Variants in PGAM5 observed in about 807,000 individuals in gnomAD.
PGAM5 encodes serine/threonine-protein phosphatase PGAM5, mitochondrial.
A neutral mutation model predicts 30.6 loss-of-function variants in PGAM5; 25 were observed. That is an observed-to-expected ratio of 0.82 (90% confidence interval 0.60 to 1.14). The LOEUF is 1.14. PGAM5 is among the 50% of genes most tolerant of loss of function. The pLI, the probability that PGAM5 is intolerant of heterozygous loss-of-function variation, is 0.00. For missense variants in PGAM5, 384 were observed against 408.5 expected (o/e 0.94, Z 0.52); for synonymous variants, 201 against 179.1 (o/e 1.12, Z -0.98).
chr12:132,711,453 T>G (rs2043522075), intron 1 of PGAM5: 1 of 158,068 alleles, frequency 6.3e-6, no homozygotes, highest in Admixed American at 6.5e-5. Context: ...ATGGCTCGTG[T>G]GATTCCTGAA....
At chr12:132,716,694 G>T (rs962421689) in intron 2 of PGAM5, among the ~76,000 whole-genome samples, 2 of 152,212 alleles carry the variant, frequency 1.3e-5, no homozygotes, top group South Asian at 2.1e-4. Flanking sequence ...GCCTAGAGAA[G>T]GAAATGCAGG....
In PGAM5 at chr12:132,720,861, T is replaced by C. The variant is rs1004061384; in HGVS notation, c.*33T>C. 5.1e-5 allele frequency: 78 copies of C among 1,528,516 alleles called. No individual in the cohort carries two copies. In the African/African-American group the frequency reaches 9.8e-4, roughly 19 times the overall value. The allele number at this position is 1,528,516 out of a possible 1,614,324, so 94.7% of individuals were successfully genotyped here. A position where few individuals can be genotyped will look rare whatever the true frequency, so the allele number is the denominator to read the frequency against. On this transcript the variant is annotated 3_prime_UTR_variant, in exon 6 of 6. Transcript: ENST00000498926. Reference sequence around the variant, plus strand: ...GGCCTCTCCTTCCCTCTGTCCTCCCTGCACAGGCCGCACACACTTAACGTT... The same window carrying C: ...GGCCTCTCCTTCCCTCTGTCCTCCCCGCACAGGCCGCACACACTTAACGTT...
At chr12:132,718,924 T>C in intron 5 of PGAM5, 9 of 1,568,628 alleles carry the variant, frequency 5.7e-6, no homozygotes, top group Non-Finnish European at 7.8e-6. Context: ...CTGCTCGGGC[T>C]GCTCCCTCGG....
At chr12:132,714,105 C>T (rs1337566271) in intron 1 of PGAM5, among the ~76,000 whole-genome samples, 5 of 152,310 alleles carry the variant, frequency 3.3e-5, no homozygotes, top group Admixed American at 3.3e-4. Context: ...GCAACCTCCG[C>T]CTCCCAGGTT....
At chr12:132,711,345 G>A in intron 1 of PGAM5, 1 of 240,612 alleles carries the variant, frequency 4.2e-6, no homozygotes, top group Admixed American at 5.7e-5. Context: ...TCGCCGGAGC[G>A]CGGGCCGGGG....
chr12:132,720,652 C>T, intron 5 of PGAM5, 26 bp from the exon 6 acceptor site: 2 of 1,527,490 alleles, frequency 1.3e-6, no homozygotes, highest in Non-Finnish European at 1.8e-6. Context: ...CTAACGTGCT[C>T]TTTCTCTCTC....
At chr12:132,719,847 C>T (rs901309395) in intron 5 of PGAM5, among the ~76,000 whole-genome samples, 2 of 152,234 alleles carry the variant, frequency 1.3e-5, no homozygotes, top group African/African-American at 2.4e-5. Context: ...CGAGCTTTTC[C>T]GCAAATGCGA....
chr12:132,715,904 G>A (rs2043572355), intron 2 of PGAM5, among the ~76,000 whole-genome samples: 2 of 152,240 alleles, frequency 1.3e-5, no homozygotes, highest in Admixed American at 1.3e-4. Context: ...TTAACTTTTA[G>A]CAAATGTTGG....
At chr12:132,716,088 C>CTTGT (rs1424093933) in intron 2 of PGAM5, among the ~76,000 whole-genome samples, 1 of 151,706 alleles carries the variant, frequency 6.6e-6, no homozygotes, top group African/African-American at 2.4e-5. Flanking sequence ...CTGGCGTCTG[C>CTTGT]TTGTTTGTTT....
At chr12:132,713,884 G>C (rs982347718) in intron 1 of PGAM5, among the ~76,000 whole-genome samples, 1 of 152,006 alleles carries the variant, frequency 6.6e-6, no homozygotes, top group Non-Finnish European at 1.5e-5. Flanking sequence ...GCCCAGGCTA[G>C]TCTTGGACTC....
intron 5 of PGAM5, among the ~76,000 whole-genome samples, chr12:132,718,366 T>G (rs1166443179): frequency 8.4e-6 from 1 of 118,472 alleles, no homozygotes; most frequent in African/African-American, 3.5e-5. Flanking sequence ...TGTGGTGTCC[T>G]GGGTGGGGTG....
chr12:132,717,911 G>C (rs1238931607), intron 4 of PGAM5, 76 bp from the exon 5 acceptor site: 12 of 1,600,380 alleles, frequency 7.5e-6, no homozygotes, highest in Non-Finnish European at 1.0e-5. Flanking sequence ...TTCCCCGGGC[G>C]GCGATGGGGT....
At chr12:132,714,635 TG>T (rs1235547638) in intron 1 of PGAM5, 1 of 522,498 alleles carries the variant, frequency 1.9e-6, no homozygotes, top group African/African-American at 1.9e-5. Context: ...TTTGCTTGTC[TG>T]TTTTGCTCTC....
rs373553912 is a variant in PGAM5 at position 132,718,073 on chromosome 12, C to T, written c.672C>T (p.Tyr224=). 40 of 1,612,826 alleles carry T rather than the reference C, an allele frequency of 2.5e-5. 1 individual carries two copies. The African/African-American group carries it at 2.5e-4, about 10-fold the overall frequency. Residue 224 remains tyrosine (Y), a synonymous_variant, in exon 5 of 6, where the codon TAC becomes TAT. Coordinates refer to ENST00000498926, the MANE Select transcript of PGAM5 (RefSeq NM_001170543.2). Reference sequence around the variant, plus strand: ...ATGCCAGGCAGGAGGAGGACAGTTACGAGATCTTCATCTGTCACGCCAACG... The same window carrying T: ...ATGCCAGGCAGGAGGAGGACAGTTATGAGATCTTCATCTGTCACGCCAACG... ...RADARQEEDS[Y]EIFICHANVI...
At chr12:132,717,184 T>C (rs923458187) in intron 2 of PGAM5, among the ~76,000 whole-genome samples, 2 of 152,210 alleles carry the variant, frequency 1.3e-5, no homozygotes, top group African/African-American at 4.8e-5. Context: ...TGCATGTTTT[T>C]TCCTGTATGG....
chr12:132,710,889 C>A lies in PGAM5; in HGVS notation c.13C>A (p.Gln5Lys). 2.6e-6 allele frequency: 3 copies of A among 1,138,492 alleles called. No homozygotes were observed. Among genetic ancestry groups the A allele is most frequent in the Non-Finnish European group, 3.2e-6 (3 of 929,602 alleles). The allele number at this position is 1,138,492 out of a possible 1,614,324, so 70.5% of individuals were successfully genotyped here. Residue 5 changes from glutamine (Q) to lysine (K), a missense_variant, in exon 1 of 6, where the codon CAG becomes AAG. Physicochemically the swap from Gln to Lys is moderately conservative, Grantham distance 53 (BLOSUM62 1). Transcript: ENST00000498926. Reference protein sequence around the residue: MAFRQALQLAACGLA... With the variant: MAFRKALQLAACGLA... ...GGGAGCAAGCGGCATGGCGTTCCGGCAGGCGCTGCAGCTGGCGGCCTGCGG... is the reference window on the plus strand; with the variant it reads ...GGGAGCAAGCGGCATGGCGTTCCGGAAGGCGCTGCAGCTGGCGGCCTGCGG...
At chr12:132,714,146 T>A (rs2043549882) in intron 1 of PGAM5, among the ~76,000 whole-genome samples, 2 of 152,182 alleles carry the variant, frequency 1.3e-5, no homozygotes, top group African/African-American at 4.8e-5. Flanking sequence ...GCCTCCCAAG[T>A]AGCTGGGATC....
chr12:132,719,115 T>C, intron 5 of PGAM5: 1 of 1,360,132 alleles, frequency 7.4e-7, no homozygotes, highest in Non-Finnish European at 9.5e-7. Context: ...GTTACATGCC[T>C]GAAACAGTCA....
At chr12:132,719,307 T>A in intron 5 of PGAM5, 1 of 987,270 alleles carries the variant, frequency 1.0e-6, no homozygotes, top group South Asian at 3.9e-5. Flanking sequence ...GGCCCTGGTC[T>A]CTGCCCGTCT....
Sources: gnomAD v4.1 joint callset for allele counts (sites outside exome capture counted in the v4.1 genomes callset) on GRCh38, gnomAD v4.1.1 for gene constraint, MANE v1.5 for transcripts, NCBI Gene and HGNC (gene_info 2026-07-23, HGNC 2026-07-21) for gene names.